DGKI: variants seen among roughly 807,000 people sequenced by gnomAD.
DGKI encodes diacylglycerol kinase iota.
In DGKI, 55 loss-of-function variants were observed where a neutral mutation model predicts 147.5. The observed-to-expected ratio is 0.37, with a 90% confidence interval of 0.30 to 0.47. The LOEUF (loss-of-function observed/expected upper bound fraction) is 0.47. DGKI is among the 20% of genes least tolerant of loss of function. DGKI has a pLI of 1.00. For missense variants in DGKI, 1,007 were observed against 1,323.8 expected, an observed-to-expected ratio of 0.76 and a Z score of 3.71; for synonymous variants, 469 against 477.1, an observed-to-expected ratio of 0.98 and a Z score of 0.22.
chr7:137,546,256 GT>G (rs1817863632), intron 20 of DGKI, among the ~76,000 whole-genome samples: 1 of 152,124 alleles, frequency 6.6e-6, no homozygotes, highest in Non-Finnish European at 1.5e-5. Flanking sequence ...AGGTCGGGGG[GT>G]GTAGGGGGAT....
chr7:137,394,308 T>C (rs1032109071), intron 32 of DGKI, among the ~76,000 whole-genome samples: 2 of 152,188 alleles, frequency 1.3e-5, no homozygotes, highest in Non-Finnish European at 2.9e-5. Flanking sequence ...ATTTTTTCAG[T>C]TCATCAGCTA....
intron 1 of DGKI, among the ~76,000 whole-genome samples, chr7:137,826,718 A>G (rs1223933184): frequency 6.6e-6 from 1 of 151,996 alleles, no homozygotes; most frequent in African/African-American, 2.4e-5. Flanking sequence ...GGCAGGGGGA[A>G]GGGGGCGGCG....
chr7:137,553,200 A>G (rs1818111881), intron 19 of DGKI, among the ~76,000 whole-genome samples: 1 of 152,352 alleles, frequency 6.6e-6, no homozygotes, highest in East Asian at 1.9e-4. Flanking sequence ...TAAATAACCA[A>G]TGAAAGTAGA....
At chr7:137,704,258 T>A (rs1259403515) in intron 1 of DGKI, among the ~76,000 whole-genome samples, 2 of 152,112 alleles carry the variant, frequency 1.3e-5, no homozygotes, top group African/African-American at 4.8e-5. Flanking sequence ...TCTAAGGAGC[T>A]AAAGGATACT....
chr7:137,737,488 T>C (rs1795056818), intron 1 of DGKI, among the ~76,000 whole-genome samples: 1 of 150,970 alleles, frequency 6.6e-6, no homozygotes, highest in Non-Finnish European at 1.5e-5. Context: ...TTGATGATAA[T>C]GGACTTTAGT....
chr7:137,454,257 T>C (rs769047068), intron 27 of DGKI, among the ~76,000 whole-genome samples: 3 of 152,216 alleles, frequency 2.0e-5, no homozygotes, highest in Non-Finnish European at 4.4e-5. Context: ...AATTAGTCAA[T>C]TAAAAAGTCT....
At chr7:137,581,132 G>A (rs1178779555) in intron 15 of DGKI, among the ~76,000 whole-genome samples, 3 of 151,976 alleles carry the variant, frequency 2.0e-5, no homozygotes, top group Admixed American at 1.3e-4. Flanking sequence ...GTTCTAAATG[G>A]CATGAGAAAA....
chr7:137,599,793 A>G, intron 11 of DGKI, 30 bp downstream of exon 11: 1 of 1,603,296 alleles, frequency 6.2e-7, no homozygotes, highest in Non-Finnish European at 8.5e-7. Flanking sequence ...TAAAATACAT[A>G]TGGACCATGG....
intron 3 of DGKI, among the ~76,000 whole-genome samples, chr7:137,677,735 A>G (rs1489898820): frequency 6.6e-6 from 1 of 152,240 alleles, no homozygotes; most frequent in African/African-American, 2.4e-5. Flanking sequence ...TTTTTAAAAA[A>G]GAAAAAAGCA....
chr7:137,705,513 A>G (rs1793989232), intron 1 of DGKI, among the ~76,000 whole-genome samples: 1 of 152,188 alleles, frequency 6.6e-6, no homozygotes, highest in Non-Finnish European at 1.5e-5. Context: ...AAAGTTATAG[A>G]ACAGGAAAAA....
At chr7:137,645,980 G>A (rs996357326) in intron 5 of DGKI, among the ~76,000 whole-genome samples, 23 of 152,128 alleles carry the variant, frequency 1.5e-4, no homozygotes, top group Admixed American at 3.9e-4. Context: ...GTGGCCACAC[G>A]AGATTGCAGT....
intron 1 of DGKI, among the ~76,000 whole-genome samples, chr7:137,779,001 T>A (rs566420871): frequency 1.3e-5 from 2 of 152,342 alleles, no homozygotes; most frequent in African/African-American, 2.4e-5. Flanking sequence ...AAAATTGACA[T>A]GTTAATTCTA....
chr7:137,819,166 C>A lies in DGKI; in HGVS notation c.401+27296G>T, dbSNP rs897591258. Among the ~76,000 whole-genome samples, 6 of 152,108 alleles carry A rather than the reference C, an allele frequency of 3.9e-5. No homozygotes were observed. In the South Asian group the frequency reaches 8.3e-4, roughly 21 times the overall value. ...GTGCTCCACTCCCTGCTTGATGCTA[C>A]CTCTTAATATAGCTATTGAGTACAG... On this transcript the variant is annotated intron_variant, in intron 1 of 32. Coordinates refer to ENST00000614521, the MANE Select transcript of DGKI (RefSeq NM_001321708.2).
chr7:137,554,445 T>C (rs1454485576), intron 19 of DGKI, among the ~76,000 whole-genome samples: 2 of 152,174 alleles, frequency 1.3e-5, no homozygotes, highest in Non-Finnish European at 2.9e-5. Context: ...TCTGAGAACG[T>C]CAGATATTGC....
chr7:137,578,500 C>T (rs1404867162), intron 15 of DGKI, among the ~76,000 whole-genome samples, 175 bp from the exon 16 acceptor site: 1 of 152,208 alleles, frequency 6.6e-6, no homozygotes, highest in Non-Finnish European at 1.5e-5. Context: ...CCCAGTGCTA[C>T]AGGGACAGTA....
At chr7:137,464,235 T>C (rs1585138933) in intron 26 of DGKI, among the ~76,000 whole-genome samples, 1 of 124,394 alleles carries the variant, frequency 8.0e-6, no homozygotes, top group Admixed American at 1.2e-4. Flanking sequence ...CCAGTCTGGG[T>C]GACAGAGCGA....
intron 20 of DGKI, among the ~76,000 whole-genome samples, chr7:137,528,593 T>C (rs1011561945): frequency 1.3e-5 from 2 of 152,196 alleles, no homozygotes; most frequent in African/African-American, 4.8e-5. Context: ...TAGGATATGT[T>C]ACAGCTTACA....
chr7:137,600,073 C>A (rs918424282), intron 10 of DGKI, among the ~76,000 whole-genome samples, 168 bp from the exon 11 acceptor site: 1 of 151,060 alleles, frequency 6.6e-6, no homozygotes, highest in Admixed American at 6.6e-5. Flanking sequence ...CACTTGAGCC[C>A]AGGAGTTTGA....
Position 137,745,552 on chromosome 7 carries a change from G to A in DGKI, c.402-55550C>T, listed in dbSNP as rs539172770. On this transcript the variant is annotated intron_variant, in intron 1 of 32. Transcript: ENST00000614521. ...GGCAGTGAATCCTCCCTTTGTCCAC[G>A]GTATCCATGCTGTCAGTGCTACCTG... Among the ~76,000 whole-genome samples the A allele has an allele frequency of 3.1e-3, 475 of 152,232 alleles. 1 individual carries two copies. Among genetic ancestry groups the A allele is most frequent in the South Asian group, 3.5e-3 (17 of 4,814 alleles).
Sources: allele counts gnomAD v4.1 joint callset (sites outside exome capture counted in the v4.1 genomes callset), GRCh38; gene constraint gnomAD v4.1.1; transcripts MANE v1.5; gene names NCBI Gene and HGNC (gene_info 2026-07-23, HGNC 2026-07-21).